The following PRIM2 variants were observed in gnomAD, a reference collection of about 807,000 sequenced individuals.
PRIM2 encodes the protein DNA primase subunit 2.
Under a neutral mutation model 67.3 loss-of-function variants are expected in PRIM2, and 39 were observed. The ratio of observed to expected loss-of-function variants is 0.58; its 90% CI spans 0.45 to 0.76. The LOEUF is 0.76. PRIM2 is among the 30% of genes least tolerant of loss of function. PRIM2 has a pLI of 0.00. For synonymous variants in PRIM2, 143 were observed against 198.7 expected, an observed-to-expected ratio of 0.72 and a Z score of 2.36; for missense variants, 398 against 598.7, an observed-to-expected ratio of 0.66 and a Z score of 3.50.
intron 5 of PRIM2, among the ~76,000 whole-genome samples, chr6:57,371,535 C>T (rs1002399659): frequency 5.9e-5 from 9 of 152,046 alleles, no homozygotes; most frequent in Non-Finnish European, 1.3e-4. Context: ...TCAGTTTTGC[C>T]AGATCTAGGC....
At chr6:57,631,923 C>T (rs1185824550) in intron 12 of PRIM2, among the ~76,000 whole-genome samples, 2 of 152,144 alleles carry the variant, frequency 1.3e-5, no homozygotes, top group Non-Finnish European at 2.9e-5. Context: ...TGTCTCTTGT[C>T]ATCTGTGGTT....
chr6:57,464,283 T>G (rs1773110851), intron 7 of PRIM2, among the ~76,000 whole-genome samples: 1 of 152,102 alleles, frequency 6.6e-6, no homozygotes, highest in Non-Finnish European at 1.5e-5. Flanking sequence ...TTTTTTCCTT[T>G]TCTTTTCCCC....
At chr6:57,528,480 C>T (rs1208412627) in intron 8 of PRIM2, among the ~76,000 whole-genome samples, 2 of 151,478 alleles carry the variant, frequency 1.3e-5, no homozygotes, top group African/African-American at 4.9e-5. Context: ...ATGTATATGT[C>T]CTCTTTATAT....
intron 10 of PRIM2, among the ~76,000 whole-genome samples, chr6:57,592,535 C>T (rs1776299144): frequency 6.6e-6 from 1 of 152,140 alleles, no homozygotes; most frequent in African/African-American, 2.4e-5. Flanking sequence ...TGGCTCACGC[C>T]TGTAATCTCA....
At chr6:57,426,965 T>C (rs1401629148) in intron 7 of PRIM2, among the ~76,000 whole-genome samples, 1 of 152,198 alleles carries the variant, frequency 6.6e-6, no homozygotes, top group African/African-American at 2.4e-5. Flanking sequence ...ATTTCTGCGT[T>C]GTGTTTGTGA....
At chr6:57,407,034 A>G (rs1473428275) in intron 7 of PRIM2, among the ~76,000 whole-genome samples, 104 of 151,576 alleles carry the variant, frequency 6.9e-4, no homozygotes, top group African/African-American at 2.5e-3. Context: ...AAGACAGATT[A>G]CTTGCTTATA....
At chr6:57,282,162 A>T in the PRIM2 span, among the ~76,000 whole-genome samples, 5 of 152,178 alleles carry the variant, frequency 3.3e-5, no homozygotes, top group African/African-American at 1.2e-4. Flanking sequence ...GGCCATTTTC[A>T]TCCTCTGTCA....
At chr6:57,611,962 G>C (rs1190406805) in intron 12 of PRIM2, among the ~76,000 whole-genome samples, 2 of 152,030 alleles carry the variant, frequency 1.3e-5, no homozygotes, top group Admixed American at 6.6e-5. Context: ...CAAAGAAAAA[G>C]TGTGAATGGT....
At chr6:57,321,996 G>C (rs1767675166) in intron 3 of PRIM2, among the ~76,000 whole-genome samples, 1 of 152,162 alleles carries the variant, frequency 6.6e-6, no homozygotes. Context: ...ATTGGATTTA[G>C]CAGCTGGATG....
the PRIM2 span, among the ~76,000 whole-genome samples, chr6:57,272,515 T>C: frequency 1.3e-5 from 2 of 152,250 alleles, no homozygotes; most frequent in Admixed American, 1.3e-4. Flanking sequence ...TGAGCCTATG[T>C]GTGTCTCTAC....
chr6:57,608,715 GAA>G (rs1228501753), intron 12 of PRIM2, among the ~76,000 whole-genome samples: 3 of 76,284 alleles, frequency 3.9e-5, no homozygotes, highest in Admixed American at 1.4e-4. Flanking sequence ...CCTGTCTCAA[GAA>G]AAAAAAAAAA....
chr6:57,516,322 G>A (rs1193526537), intron 8 of PRIM2, among the ~76,000 whole-genome samples: 1 of 152,260 alleles, frequency 6.6e-6, no homozygotes, highest in East Asian at 1.9e-4. Flanking sequence ...CTCTTATAGT[G>A]AAGGTTTTCT....
At chr6:57,506,681 T>A (rs1198225826) in intron 7 of PRIM2, among the ~76,000 whole-genome samples, 51 of 152,158 alleles carry the variant, frequency 3.4e-4, no homozygotes, top group African/African-American at 1.2e-3. Flanking sequence ...AAAAAGGTAT[T>A]CTCTTAAGAA....
the PRIM2 span, among the ~76,000 whole-genome samples, chr6:57,291,252 G>T: frequency 1.3e-5 from 2 of 152,186 alleles, no homozygotes; most frequent in Non-Finnish European, 2.9e-5. Flanking sequence ...AAATCTAGAA[G>T]AAATGGATGA....
At chr6:57,445,622 C>T (rs1009050860) in intron 7 of PRIM2, among the ~76,000 whole-genome samples, 15 of 152,164 alleles carry the variant, frequency 9.9e-5, no homozygotes, top group Non-Finnish European at 1.5e-4. Flanking sequence ...AGCCACTATG[C>T]TGATTCCTGA....
At chr6:57,260,639 C>A in the PRIM2 span, among the ~76,000 whole-genome samples, 6 of 152,010 alleles carry the variant, frequency 3.9e-5, no homozygotes, top group African/African-American at 1.5e-4. Context: ...TTTACATGAA[C>A]CTGAAAAGAT....
chr6:57,606,658 G>A (rs1310468861), intron 12 of PRIM2, among the ~76,000 whole-genome samples: 215 of 152,258 alleles, frequency 1.4e-3, no homozygotes, highest in African/African-American at 4.8e-3. Context: ...TGTCTGCTAA[G>A]CTGCATTTTT....
intron 13 of PRIM2, among the ~76,000 whole-genome samples, chr6:57,637,848 T>C (rs1777151552): frequency 6.6e-6 from 1 of 152,150 alleles, no homozygotes; most frequent in African/African-American, 2.4e-5. Flanking sequence ...CCAGGAGAAC[T>C]TCCCCAACCT....
chr6:57,614,408 T>C (rs2127495132), intron 12 of PRIM2, among the ~76,000 whole-genome samples: 1 of 152,178 alleles, frequency 6.6e-6, no homozygotes, highest in East Asian at 1.9e-4. Context: ...AAGCCGTTGT[T>C]GCCTCTATTT....
Sources: allele counts gnomAD v4.1 joint callset (sites outside exome capture counted in the v4.1 genomes callset), GRCh38; gene constraint gnomAD v4.1.1; transcripts MANE v1.5; gene names NCBI Gene and HGNC (gene_info 2026-07-23, HGNC 2026-07-21).